Variants in ATF7 observed in about 807,000 individuals in gnomAD.
ATF7 encodes the protein cyclic AMP-dependent transcription factor ATF-7.
Under a neutral mutation model 50.4 loss-of-function variants are expected in ATF7, and 10 were observed. That is an observed-to-expected ratio of 0.20 (90% CI 0.12 to 0.34). ATF7 has a LOEUF of 0.34. ATF7 is among the 10% of genes least tolerant of loss of function. The pLI, the probability that ATF7 is intolerant of heterozygous loss-of-function variation, is 1.00. For synonymous variants in ATF7, 201 were observed against 226.4 expected, an observed-to-expected ratio of 0.89 and a Z score of 1.01; for missense variants, 465 against 613.9, an observed-to-expected ratio of 0.76 and a Z score of 2.56.
chr12:53,532,638 G>GA lies in ATF7; in HGVS notation c.661-16_661-15insT. 4.1e-6 allele frequency: 6 copies of GA among 1,456,366 alleles called. No individual in the cohort carries two copies. The highest frequency in any genetic ancestry group is 4.7e-5 in the Admixed American group (2 of 42,146). The allele number at this position is 1,456,366 out of a possible 1,614,324, so 90.2% of individuals were successfully genotyped here. ...GGTCTGGCCAGCTGGATCGAGAGAA[G>GA]GAAAAAAAAAAAAAGAGAAGGGAAC... is the stretch of plus-strand genomic sequence containing the variant. On this transcript the variant is annotated splice_polypyrimidine_tract_variant and intron_variant, in intron 7 of 11. Transcript: ENST00000420353.
intron 2 of ATF7, among the ~76,000 whole-genome samples, chr12:53,586,783 T>TCA (rs960084925): frequency 5.3e-5 from 8 of 152,014 alleles, no homozygotes; most frequent in Admixed American, 3.3e-4. Context: ...CATCACTCTC[T>TCA]CACACACACA....
chr12:53,544,615 G>C (rs1351658655), intron 3 of ATF7, among the ~76,000 whole-genome samples: 2 of 152,066 alleles, frequency 1.3e-5, no homozygotes, highest in African/African-American at 4.8e-5. Flanking sequence ...GGGCATAGTG[G>C]CAGGTGCCTG....
chr12:53,538,197 A>G (rs1468367690), intron 4 of ATF7, among the ~76,000 whole-genome samples: 1 of 152,214 alleles, frequency 6.6e-6, no homozygotes, highest in Non-Finnish European at 1.5e-5. Context: ...TTATGATAAT[A>G]TTTTTCAGGA....
intron 4 of ATF7, among the ~76,000 whole-genome samples, chr12:53,540,906 A>T (rs1291926238): frequency 1.3e-5 from 2 of 152,022 alleles, no homozygotes; most frequent in African/African-American, 2.4e-5. Context: ...TGATTTTTAA[A>T]TTTTTTGTAG....
In ATF7 at chr12:53,540,068, C is replaced by T. The variant is rs1027893655; in HGVS notation, c.265-2516G>A. Reference sequence around the variant, plus strand: ...GTGAGGCTCTGTCTCAAAAAAAATACGAGGCCAGGCACAGTGGCTCATGCT... The same window carrying T: ...GTGAGGCTCTGTCTCAAAAAAAATATGAGGCCAGGCACAGTGGCTCATGCT... On this transcript the variant is annotated intron_variant, in intron 4 of 11. Transcript: ENST00000420353. 6.6e-5 allele frequency among the ~76,000 whole-genome samples: 10 copies of T among 151,864 alleles called. No individual in the cohort carries two copies. In the South Asian group the frequency reaches 8.3e-4, roughly 13 times the overall value.
intron 2 of ATF7, among the ~76,000 whole-genome samples, chr12:53,563,494 G>C (rs1284578953): frequency 6.6e-6 from 1 of 151,964 alleles, no homozygotes; most frequent in Non-Finnish European, 1.5e-5. Flanking sequence ...GGTGGTGTGT[G>C]CCTGTAGTCC....
At chr12:53,615,252 C>T (rs951195144) in intron 1 of ATF7, among the ~76,000 whole-genome samples, 41 of 151,912 alleles carry the variant, frequency 2.7e-4, no homozygotes, top group East Asian at 5.8e-4. Flanking sequence ...GGCATGGTGG[C>T]GGGCGCCTGT....
intron 2 of ATF7, among the ~76,000 whole-genome samples, chr12:53,571,927 T>C (rs1031004807): frequency 1.3e-5 from 2 of 151,822 alleles, no homozygotes; most frequent in Non-Finnish European, 2.9e-5. Flanking sequence ...ATTAGCTGGG[T>C]GTGGTGGCGC....
chr12:53,609,440 C>CA (rs1456775617), intron 1 of ATF7, among the ~76,000 whole-genome samples: 1 of 150,044 alleles, frequency 6.7e-6, no homozygotes, highest in Non-Finnish European at 1.5e-5. Flanking sequence ...AGGCATGAGC[C>CA]ACTCCGCCTG....
At chr12:53,591,064 CA>C (rs1942918433) in intron 2 of ATF7, among the ~76,000 whole-genome samples, 1 of 151,950 alleles carries the variant, frequency 6.6e-6, no homozygotes, top group African/African-American at 2.4e-5. Flanking sequence ...ACAATTGTAA[CA>C]AATATAGCAC....
intron 2 of ATF7, among the ~76,000 whole-genome samples, chr12:53,566,378 T>C (rs1941445769): frequency 6.6e-6 from 1 of 152,200 alleles, no homozygotes; most frequent in Admixed American, 6.5e-5. Flanking sequence ...TTTCTCTTGC[T>C]TGCCTCACTA....
At chr12:53,563,724 A>G (rs533122616) in intron 2 of ATF7, among the ~76,000 whole-genome samples, 1 of 152,378 alleles carries the variant, frequency 6.6e-6, no homozygotes, top group East Asian at 1.9e-4. Flanking sequence ...CACTCAATAA[A>G]TTATTGCTTC....
At chr12:53,517,606 T>C in intron 11 of ATF7, 1 of 517,650 alleles carries the variant, frequency 1.9e-6, no homozygotes, top group Non-Finnish European at 3.5e-6. Flanking sequence ...TCCAACATGT[T>C]AATTACACTG....
chr12:53,523,928 C>T (rs898039623), intron 10 of ATF7, among the ~76,000 whole-genome samples: 3 of 152,054 alleles, frequency 2.0e-5, no homozygotes, highest in African/African-American at 4.8e-5. Flanking sequence ...CAGCCCTACA[C>T]AAGAACTATA....
chr12:53,553,820 C>T (rs986341078), intron 2 of ATF7, among the ~76,000 whole-genome samples: 5 of 152,322 alleles, frequency 3.3e-5, no homozygotes, highest in African/African-American at 1.2e-4. Context: ...ATACTTCTCA[C>T]CAAATACTAT....
intron 3 of ATF7, among the ~76,000 whole-genome samples, chr12:53,546,387 A>C (rs1396425457): frequency 1.3e-5 from 2 of 151,988 alleles, no homozygotes; most frequent in Non-Finnish European, 2.9e-5. Context: ...AAAAACAAAA[A>C]ACAGGAGAAA....
At chr12:53,509,567 G>A (rs377103413), downstream of ATF7, among the ~76,000 whole-genome samples, 2 of 150,220 alleles carry the variant, frequency 1.3e-5, no homozygotes, top group African/African-American at 4.9e-5. Context: ...GCAGTGGTGC[G>A]ATCTCGGCTC....
intron 1 of ATF7, among the ~76,000 whole-genome samples, chr12:53,616,769 C>A (rs1020005062): frequency 4.0e-4 from 60 of 151,420 alleles, no homozygotes; most frequent in African/African-American, 1.4e-3. Context: ...ACAGTGAAAC[C>A]CCATCTCTAC....
chr12:53,598,349 T>C (rs1943250507), intron 2 of ATF7, among the ~76,000 whole-genome samples: 1 of 152,222 alleles, frequency 6.6e-6, no homozygotes, highest in Non-Finnish European at 1.5e-5. Context: ...AACCTTAAGT[T>C]GTACCTTTGT....
Sources: allele counts gnomAD v4.1 joint callset (sites outside exome capture counted in the v4.1 genomes callset), GRCh38; gene constraint gnomAD v4.1.1; transcripts MANE v1.5; gene names NCBI Gene and HGNC (gene_info 2026-07-23, HGNC 2026-07-21).